FGF23: variants seen among roughly 807,000 people sequenced by gnomAD.
FGF23 encodes the protein fibroblast growth factor 23.
FGF23 carries 8 observed loss-of-function variants against 9.0 expected under a neutral mutation model. The ratio of observed to expected loss-of-function variants is 0.89; its 90% CI spans 0.52 to 1.60. The LOEUF is 1.60. Ranked by LOEUF, FGF23 falls within the 40% of genes most tolerant of loss-of-function variation. The pLI, the probability that FGF23 is intolerant of heterozygous loss-of-function variation, is 0.00. For synonymous variants in FGF23, 118 were observed against 146.2 expected (o/e 0.81, Z 1.39); for missense variants, 311 against 344.3 (o/e 0.90, Z 0.77).
chr12:4,379,584 G>A lies in FGF23; in HGVS notation c.-2C>T, dbSNP rs755538624. The A allele has an allele frequency of 1.3e-5, 20 of 1,594,110 alleles. No homozygotes were observed. The East Asian group carries it at 2.5e-4, about 20-fold the overall frequency. Reference sequence around the variant, plus strand: ...GAGCCTGAGGCGGGCCCCCAACATCGTGCCCTGCTCTGAGTGGCTGGTGCT... The same window carrying A: ...GAGCCTGAGGCGGGCCCCCAACATCATGCCCTGCTCTGAGTGGCTGGTGCT... On this transcript the variant is annotated 5_prime_UTR_variant, in exon 1 of 3. It adds an upstream start codon to the 5' untranslated region. Coordinates refer to ENST00000237837, the MANE Select transcript of FGF23 (RefSeq NM_020638.3).
rs778694734 is a variant in FGF23 at position 4,370,368 on chromosome 12, C to T, written c.731G>A (p.Cys244Tyr). 3 of 1,613,622 alleles carry T rather than the reference C, an allele frequency of 1.9e-6. No individual in the cohort carries two copies. The highest frequency in any genetic ancestry group is 1.7e-6 in the Non-Finnish European group (2 of 1,180,010). Residue 244 changes from cysteine (C) to tyrosine (Y), a missense_variant, in exon 3 of 3, where the codon TGC (cysteine) becomes TAC (tyrosine). By Grantham distance (194) the Cys-to-Tyr change is radical. Coordinates refer to ENST00000237837, the MANE Select transcript of FGF23 (RefSeq NM_020638.3). Reference sequence around the variant, plus strand: ...CTAGATGAACTTGGCGAAGGGGCGGCAGCCTTCCGGGCCCGTTCCCCCAGC... The same window carrying T: ...CTAGATGAACTTGGCGAAGGGGCGGTAGCCTTCCGGGCCCGTTCCCCCAGC... ...THAGGTGPEG[C>Y]RPFAKFI
chr12:4,370,876 G>T, intron 2 of FGF23, 93 bp from the exon 3 acceptor site: 1 of 1,067,618 alleles, frequency 9.4e-7, no homozygotes, highest in South Asian at 1.3e-5. Context: ...GTGCCAGCCG[G>T]CCTGAAGCTC....
At chr12:4,371,357 T>G (rs748424691) in intron 2 of FGF23, among the ~76,000 whole-genome samples, 2 of 152,222 alleles carry the variant, frequency 1.3e-5, no homozygotes, top group African/African-American at 2.4e-5. Context: ...ACTATCTACA[T>G]GCCTAGAGGG....
chr12:4,373,914 A>G (rs1018165597), intron 1 of FGF23, among the ~76,000 whole-genome samples: 2 of 152,164 alleles, frequency 1.3e-5, no homozygotes, highest in Non-Finnish European at 2.9e-5. Flanking sequence ...CTCTTCTGCA[A>G]CTGTAGCTTG....
rs778860470 is a variant in FGF23, at chr12:4,372,698, C to G, written c.212-1G>C. The G allele has an allele frequency of 1.2e-6, 2 of 1,605,662 alleles. No homozygotes were observed. Among genetic ancestry groups the G allele is most frequent in the Non-Finnish European group, 1.7e-6 (2 of 1,172,526 alleles). The stretch of plus-strand genomic sequence containing the variant: ...TCCTCTGATCTGATCATCAGGGCAC[C>G]TATGGAGAAAAACAGGCAGGGCAAA... On this transcript the variant is annotated splice_acceptor_variant, in intron 1 of 2. Coordinates refer to ENST00000237837, the MANE Select transcript of FGF23 (RefSeq NM_020638.3). LOFTEE classifies it high-confidence loss of function.
intron 2 of FGF23, among the ~76,000 whole-genome samples, chr12:4,371,729 C>T (rs907709543): frequency 7.2e-5 from 11 of 152,154 alleles, no homozygotes; most frequent in Non-Finnish European, 1.3e-4. Flanking sequence ...TATTCCACTT[C>T]GCTTTTTCCA....
rs1865154568 is a variant in FGF23, at chr12:4,379,489, G to A, written c.94C>T (p.Leu32Phe). ...ATCAGGCCACCCCAGCTGGAGCCGAGCAGTGGGGAGGCATTGGGATAGGCT... is the reference window on the plus strand; with the variant it reads ...ATCAGGCCACCCCAGCTGGAGCCGAACAGTGGGGAGGCATTGGGATAGGCT... Reference protein sequence around the residue: ...LRAYPNASPLLGSSWGGLIHL... With the variant: ...LRAYPNASPLFGSSWGGLIHL... Residue 32 changes from leucine (L) to phenylalanine (F), a missense_variant, in exon 1 of 3, where the codon CTC becomes TTC. Leu to Phe is a conservative substitution (Grantham distance 22). Coordinates refer to ENST00000237837, the MANE Select transcript of FGF23 (RefSeq NM_020638.3). The A allele has an allele frequency of 6.2e-7, 1 of 1,613,080 alleles. No homozygotes were observed. Among genetic ancestry groups the A allele is most frequent in the South Asian group, 1.1e-5 (1 of 91,088 alleles).
At chr12:4,373,224 T>C (rs1407412915) in intron 1 of FGF23, among the ~76,000 whole-genome samples, 1 of 152,226 alleles carries the variant, frequency 6.6e-6, no homozygotes, top group African/African-American at 2.4e-5. Flanking sequence ...TTGATCTCCC[T>C]CTTCCTTCTC....
intron 2 of FGF23, 70 bp from the exon 3 acceptor site, chr12:4,370,853 G>C (rs950029058): frequency 2.4e-5 from 32 of 1,317,068 alleles, no homozygotes; most frequent in Non-Finnish European, 3.3e-5. Flanking sequence ...GCTCCTCCTG[G>C]GGCCACATGC....
intron 1 of FGF23, among the ~76,000 whole-genome samples, 167 bp downstream of exon 1, chr12:4,379,201 GCACA>G (rs3045697): frequency 1.1e-4 from 17 of 150,636 alleles, no homozygotes; most frequent in South Asian, 6.3e-4. Flanking sequence ...AAATACACAC[GCACA>G]CACACACACA....
chr12:4,378,696 G>A (rs1865144352), intron 1 of FGF23, among the ~76,000 whole-genome samples: 1 of 151,998 alleles, frequency 6.6e-6, no homozygotes, highest in Admixed American at 6.6e-5. Context: ...TGGGTACCTG[G>A]GTGTCTGAAA....
At chr12:4,371,815 C>T (rs931636171) in intron 2 of FGF23, among the ~76,000 whole-genome samples, 3 of 152,072 alleles carry the variant, frequency 2.0e-5, no homozygotes, top group African/African-American at 7.2e-5. Flanking sequence ...AAGAAGACAC[C>T]AATGGCTTTT....
In FGF23 at chr12:4,368,373, T is replaced by C. The variant is rs1853033811; in HGVS notation, c.*1970A>G. ...TTTTGCCTTCTCTGGATTTCCCTAA[T>C]GTTCCCCTCCCATAATCCTTTTTAT... On this transcript the variant is annotated 3_prime_UTR_variant, in exon 3 of 3. Transcript: ENST00000237837. 5.5e-6 allele frequency: 1 copy of C among 181,016 alleles called. No individual in the cohort carries two copies. Among genetic ancestry groups the C allele is most frequent in the African/African-American group, 2.4e-5 (1 of 42,462 alleles). The allele number at this position is 181,016 out of a possible 1,614,324, so 11.2% of individuals were successfully genotyped here.
intron 1 of FGF23, among the ~76,000 whole-genome samples, chr12:4,376,179 T>C (rs2120740459): frequency 6.6e-6 from 1 of 152,126 alleles, no homozygotes; most frequent in East Asian, 1.9e-4. Context: ...ATGGAACGGG[T>C]GATAAGGACA....
At chr12:4,373,998 C>CT (rs1345981108) in intron 1 of FGF23, among the ~76,000 whole-genome samples, 1 of 152,116 alleles carries the variant, frequency 6.6e-6, no homozygotes, top group Non-Finnish European at 1.5e-5. Flanking sequence ...AAGGCCAAAG[C>CT]TCTTCTCCTA....
At chr12:4,375,954 G>T (rs1865111901) in intron 1 of FGF23, among the ~76,000 whole-genome samples, 1 of 152,206 alleles carries the variant, frequency 6.6e-6, no homozygotes, top group Non-Finnish European at 1.5e-5. Context: ...GATGATAGCA[G>T]TGAAGTGCTT....
At chr12:4,379,055 T>C (rs1865148715) in intron 1 of FGF23, among the ~76,000 whole-genome samples, 2 of 152,196 alleles carry the variant, frequency 1.3e-5, no homozygotes, top group South Asian at 2.1e-4. Context: ...TCTGTACATT[T>C]TTTCAATCTT....
intron 1 of FGF23, among the ~76,000 whole-genome samples, chr12:4,378,599 C>T (rs372162316): frequency 6.6e-6 from 1 of 152,266 alleles, no homozygotes; most frequent in East Asian, 1.9e-4. Context: ...TCTCATGTTG[C>T]CAATAAGTTT....
intron 1 of FGF23, among the ~76,000 whole-genome samples, chr12:4,376,069 A>G (rs1865113279): frequency 6.6e-6 from 1 of 152,232 alleles, no homozygotes; most frequent in Non-Finnish European, 1.5e-5. Flanking sequence ...AAGTGAAAAT[A>G]GCAGGATCTA....
Sources: allele counts gnomAD v4.1 joint callset (sites outside exome capture counted in the v4.1 genomes callset), GRCh38; gene constraint gnomAD v4.1.1; transcripts MANE v1.5; gene names NCBI Gene and HGNC (gene_info 2026-07-23, HGNC 2026-07-21).